Variants in PIK3R2 observed in about 807,000 individuals in gnomAD.
PIK3R2 encodes the protein phosphatidylinositol 3-kinase regulatory subunit beta.
In PIK3R2, 40 loss-of-function variants were observed where a neutral mutation model predicts 78.5. That is an observed-to-expected ratio of 0.51 (90% CI 0.40 to 0.66). The LOEUF is 0.66. Ranked by LOEUF, PIK3R2 falls within the 30% of genes least tolerant of loss-of-function variation. The pLI is 0.00. For missense variants in PIK3R2, 880 were observed against 1,026.6 expected (o/e 0.86, Z 1.95); for synonymous variants, 473 against 457.7 (o/e 1.03, Z -0.43).
intron 2 of PIK3R2, among the ~76,000 whole-genome samples, chr19:18,157,913 C>T (rs1015978822): frequency 3.3e-5 from 5 of 152,118 alleles, no homozygotes; most frequent in East Asian, 3.9e-4. Flanking sequence ...GCTGCTGAGG[C>T]GGGGATGCTG....
chr19:18,160,958 C>T lies in PIK3R2; in HGVS notation c.455C>T (p.Ala152Val), dbSNP rs1158689358. ...SESHYRPELPAPRTDWSLSDV... is the reference protein window; with the variant it reads ...SESHYRPELPVPRTDWSLSDV... ...TCTCACTACCGCCCGGAGCTGCCCG[C>T]ACCGCGTACAGGTGAAGGGGAGCCT... The change falls in exon 4 of 16, where the codon GCA (alanine) becomes GTA (valine). Residue 152 changes from alanine (A) to valine (V), a missense_variant. Transcript: ENST00000222254. 1.2e-6 allele frequency: 2 copies of T among 1,612,328 alleles called. No individual in the cohort carries two copies. The highest frequency in any genetic ancestry group is 1.7e-6 in the Non-Finnish European group (2 of 1,179,692).
chr19:18,160,164 G>C (rs2043725882), intron 2 of PIK3R2, among the ~76,000 whole-genome samples: 1 of 152,172 alleles, frequency 6.6e-6, no homozygotes, highest in South Asian at 2.1e-4. Flanking sequence ...AAGGTCACAG[G>C]TACCAGGGAT....
rs1437092335 is a variant in PIK3R2, at chr19:18,156,853, CGGG to C, written c.322+655_322+657del. ...CAGGGGTGTGCCAGGTGTAGAGAAT[CGGG>C]GGCACCGAGCCCACTCAGTGACTGC... On this transcript the variant is annotated intron_variant, in intron 2 of 15. Transcript: ENST00000222254. The surrounding 1 kb of genome is among the most constrained non-coding windows in gnomAD (Gnocchi z 4.2). 1.4e-5 allele frequency among the ~76,000 whole-genome samples: 2 copies of C among 144,662 alleles called. No individual in the cohort carries two copies. The highest frequency in any genetic ancestry group is 2.6e-5 in the African/African-American group (1 of 39,014). The allele number at this position is 144,662 out of a possible 152,430, so 94.9% of individuals were successfully genotyped here. A position where few individuals can be genotyped will look rare whatever the true frequency, so the allele number is the denominator to read the frequency against.
intron 11 of PIK3R2, among the ~76,000 whole-genome samples, chr19:18,164,393 G>A (rs1453989700): frequency 6.6e-6 from 1 of 151,988 alleles, no homozygotes; most frequent in Non-Finnish European, 1.5e-5. Flanking sequence ...TCTAATCCCA[G>A]CTACTCGGAA....
At chr19:18,160,402 A>T in intron 2 of PIK3R2, 69 bp from the exon 3 acceptor site, 1 of 970,450 alleles carries the variant, frequency 1.0e-6, no homozygotes. Context: ...AGGTTCAGCC[A>T]GCAAAGAGAG....
rs762874163 is a variant in PIK3R2 at position 18,162,018 on chromosome 19, G to C, written c.868G>C (p.Glu290Gln). Residue 290 changes from glutamate (E) to glutamine (Q), a missense_variant, in exon 7 of 16, where the codon GAA becomes CAA. Glu to Gln is a conservative substitution (Grantham distance 29). Transcript: ENST00000222254. ...GCTGCTGGTGGAGAAGCTGCTTCAG[G>C]AACACTTGGAAGAGCAGGAGGTTGC... is the stretch of plus-strand genomic sequence containing the variant. ...PALLVEKLLQ[E>Q]HLEEQEVAPP... 6.2e-7 allele frequency: 1 copy of C among 1,613,916 alleles called. No individual in the cohort carries two copies. The highest frequency in any genetic ancestry group is 8.5e-7 in the Non-Finnish European group (1 of 1,179,910).
At chr19:18,159,374 CA>C (rs952364991) in intron 2 of PIK3R2, among the ~76,000 whole-genome samples, 1 of 151,866 alleles carries the variant, frequency 6.6e-6, no homozygotes, top group African/African-American at 2.4e-5. Context: ...TCCTTCCTTG[CA>C]GCTTCTGGTG....
chr19:18,166,707 CAAAAAAAA>C (rs34888009), intron 12 of PIK3R2, among the ~76,000 whole-genome samples: 1 of 81,692 alleles, frequency 1.2e-5, no homozygotes, highest in Non-Finnish European at 2.2e-5. Flanking sequence ...AAGACTGTCT[CAAAAAAAA>C]AAAAAAAAAA....
In PIK3R2 at chr19:18,162,036, G is replaced by A. The variant is rs1476195000; in HGVS notation, c.886G>A (p.Glu296Lys). 6.2e-7 allele frequency: 1 copy of A among 1,613,932 alleles called. No individual in the cohort carries two copies. The highest frequency in any genetic ancestry group is 1.3e-5 in the African/African-American group (1 of 75,054). ...GCTTCAGGAACACTTGGAAGAGCAG[G>A]AGGTTGCGCCCCCAGGTGAGTCCCC... ...KLLQEHLEEQEVAPPALPPKP... is the reference protein window; with the variant it reads ...KLLQEHLEEQKVAPPALPPKP... The change falls in exon 7 of 16, where the codon GAG becomes AAG. Residue 296 changes from glutamate (E) to lysine (K), a missense_variant. Around this residue, in one of 3 missense-constraint regions of PIK3R2, gnomAD observed 456 missense variants for 486.6 expected, o/e 0.94. Coordinates refer to ENST00000222254, the MANE Select transcript of PIK3R2 (RefSeq NM_005027.4).
rs1403656005 is a variant in PIK3R2 at position 18,168,769 on chromosome 19, G to C, written c.1852G>C (p.Glu618Gln). 1.2e-6 allele frequency: 2 copies of C among 1,607,624 alleles called. No homozygotes were observed. Among genetic ancestry groups the C allele is most frequent in the South Asian group, 1.1e-5 (1 of 90,938 alleles). Residue 618 changes from glutamate to glutamine, a missense_variant, in exon 15 of 16, where the codon GAG becomes CAG. Glu to Gln is a conservative substitution (Grantham distance 29). Coordinates refer to ENST00000222254, the MANE Select transcript of PIK3R2 (RefSeq NM_005027.4). This position sits in a 1 kb window ranked among gnomAD's most constrained non-coding sequence, Gnocchi z 4.1. ...GGACGAGGACGATCTCCCGCACCACGAGGAACGCACTTGGTACGTGGGCAA... is the reference window on the plus strand; with the variant it reads ...GGACGAGGACGATCTCCCGCACCACCAGGAACGCACTTGGTACGTGGGCAA... ...MEDEDDLPHH[E>Q]ERTWYVGKIN... is the part of the protein sequence containing the mutation.
intron 11 of PIK3R2, among the ~76,000 whole-genome samples, chr19:18,165,849 G>A (rs185143940): frequency 2.6e-5 from 4 of 152,230 alleles, no homozygotes; most frequent in Admixed American, 6.5e-5. Context: ...AAGGAAAGTC[G>A]TAGTGCGGCA....
chr19:18,160,685 C>T (rs1260155972), intron 3 of PIK3R2, 122 bp downstream of exon 3: 2 of 937,596 alleles, frequency 2.1e-6, no homozygotes, highest in East Asian at 2.6e-5. Context: ...CCTGGATGCC[C>T]TGGGCCTCTA....
In PIK3R2 at chr19:18,167,676, G is replaced by A. The variant is rs1193093874; in HGVS notation, c.1736+370G>A. Among the ~76,000 whole-genome samples, 4 of 152,048 alleles carry A rather than the reference G, an allele frequency of 2.6e-5. No homozygotes were observed. The highest frequency in any genetic ancestry group is 9.7e-5 in the African/African-American group (4 of 41,402). ...AGTTCAAGACCAGCCTGGCCAACAT[G>A]GTGAAACCCCGTCTCTACTAAAAAT... On this transcript the variant is annotated intron_variant, in intron 13 of 15. Transcript: ENST00000222254. The surrounding 1 kb of genome is among the most constrained non-coding windows in gnomAD (Gnocchi z 4.5).
chr19:18,169,479 C>T lies in PIK3R2; in HGVS notation c.*185C>T, dbSNP rs1213877864. On this transcript the variant is annotated 3_prime_UTR_variant, in exon 16 of 16. Transcript: ENST00000222254. ...CCTCCCCCATTCTCCAGATCTCCCT[C>T]TGTCTCCTTTTCTCTGTCTTTCTTG... The T allele has an allele frequency of 2.8e-6, 1 of 358,116 alleles. No individual in the cohort carries two copies. The highest frequency in any genetic ancestry group is 5.0e-6 in the Non-Finnish European group (1 of 199,192). 22.2% of individuals were successfully genotyped at this position (358,116 alleles called of 1,614,324 possible).
chr19:18,158,161 C>A (rs2043698936), intron 2 of PIK3R2, among the ~76,000 whole-genome samples: 1 of 152,156 alleles, frequency 6.6e-6, no homozygotes, highest in Non-Finnish European at 1.5e-5. Context: ...TTTTTCTTTT[C>A]TTTCCTTTCA....
Position 18,162,035 on chromosome 19 carries a change from G to A in PIK3R2, c.885G>A (p.Gln295=), listed in dbSNP as rs751565885. 7 of 1,613,934 alleles carry A rather than the reference G, an allele frequency of 4.3e-6. No individual in the cohort carries two copies. The highest frequency in any genetic ancestry group is 5.9e-6 in the Non-Finnish European group (7 of 1,179,948). Residue 295 remains glutamine, a synonymous_variant, in exon 7 of 16, where the codon CAG becomes CAA. Coordinates refer to ENST00000222254, the MANE Select transcript of PIK3R2 (RefSeq NM_005027.4). ...TGCTTCAGGAACACTTGGAAGAGCAGGAGGTTGCGCCCCCAGGTGAGTCCC... is the reference window on the plus strand; with the variant it reads ...TGCTTCAGGAACACTTGGAAGAGCAAGAGGTTGCGCCCCCAGGTGAGTCCC... ...EKLLQEHLEE[Q]EVAPPALPPK... is the part of the protein sequence containing the mutation.
At position 18,168,413 on chromosome 19, in the gene PIK3R2, G is replaced by A. The variant is rs985221707; in HGVS notation, c.1737-62G>A. On this transcript the variant is annotated intron_variant, in intron 13 of 15. Transcript: ENST00000222254. This position sits in a 1 kb window ranked among gnomAD's most constrained non-coding sequence, Gnocchi z 4.1. ...GCCAGACCCTGCCTCCCACCGGACA[G>A]GCCCACTGTGGGCTCAGCACCCACA... The A allele has an allele frequency of 1.2e-5, 9 of 755,324 alleles. No individual in the cohort carries two copies. Among genetic ancestry groups the A allele is most frequent in the Middle Eastern group, 2.8e-4 (1 of 3,544 alleles). 46.8% of individuals were successfully genotyped at this position (755,324 alleles called of 1,614,324 possible). A position where few individuals can be genotyped will look rare whatever the true frequency, so the allele number is the denominator to read the frequency against.
Position 18,161,186 on chromosome 19 carries a change from G to T in PIK3R2, c.598+1G>T. ...GCCGAGGCGCGCCGGGCCCTGCGGG[G>T]TGAGCCTGGCGGGTAGCCCGGGGGA... is the stretch of plus-strand genomic sequence containing the variant. On this transcript the variant is annotated splice_donor_variant, in intron 5 of 15. Transcript: ENST00000222254. LOFTEE classifies it high-confidence loss of function. This position sits in a 1 kb window ranked among gnomAD's most constrained non-coding sequence, Gnocchi z 5.3. The T allele has an allele frequency of 6.5e-7, 1 of 1,545,536 alleles. No individual in the cohort carries two copies. Among genetic ancestry groups the T allele is most frequent in the Non-Finnish European group, 8.7e-7 (1 of 1,145,166 alleles).
In PIK3R2 at chr19:18,161,515, C is replaced by G; in HGVS notation, c.815+20C>G. On this transcript the variant is annotated intron_variant, in intron 6 of 15. Transcript: ENST00000222254. The surrounding 1 kb of genome is among the most constrained non-coding windows in gnomAD (Gnocchi z 5.3). ...CGACGGGTGAGGGGCGGGGCGGAGC[C>G]GGAGCGAGCAGGGGTGGAGTTTGGG... 2.4e-6 allele frequency: 1 copy of G among 411,320 alleles called. No individual in the cohort carries two copies. The highest frequency in any genetic ancestry group is 3.4e-6 in the Non-Finnish European group (1 of 293,166). 25.5% of individuals were successfully genotyped at this position (411,320 alleles called of 1,614,324 possible).
Sources: allele counts gnomAD v4.1 joint callset (sites outside exome capture counted in the v4.1 genomes callset), GRCh38; gene constraint gnomAD v4.1.1; regional missense constraint gnomAD v4.1.1; non-coding constraint Gnocchi (gnomAD v3.1); transcripts MANE v1.5; gene names NCBI Gene and HGNC (gene_info 2026-07-23, HGNC 2026-07-21).